The following PROKR2 variants were observed in gnomAD, a reference collection of about 807,000 sequenced individuals.
PROKR2 encodes G protein-coupled receptor 73-like 1.
In PROKR2, 26 loss-of-function variants were observed where a neutral mutation model predicts 23.4. The observed-to-expected ratio is 1.11, with a 90% CI of 0.81 to 1.54. PROKR2 has a LOEUF of 1.54. Among genes scored for constraint, PROKR2 ranks in the 40% most tolerant of loss-of-function variants. The pLI, the probability that PROKR2 is intolerant of heterozygous loss-of-function variation, is 0.00. For synonymous variants in PROKR2, 212 were observed against 201.2 expected (o/e 1.05, Z -0.45); for missense variants, 453 against 511.5 (o/e 0.89, Z 1.10).
At chr20:5,308,432 T>C (rs1440651408) in intron 2 of PROKR2, among the ~76,000 whole-genome samples, 1 of 152,238 alleles carries the variant, frequency 6.6e-6, no homozygotes, top group East Asian at 1.9e-4. Context: ...CTGCTGCAGA[T>C]AACTAGCCCA....
In PROKR2 at chr20:5,314,109, G is replaced by A. The variant is rs764463888; in HGVS notation, c.261C>T (p.Leu87=). The A allele has an allele frequency of 1.5e-5, 24 of 1,614,238 alleles. No homozygotes were observed. In the East Asian group the frequency reaches 5.3e-4, roughly 36 times the overall value. ...ALTRYKKLRN[L]TNLLIANLAI... ...CCAGGTTGGCAATGAGCAGATTGGT[G>A]AGGTTGCGCAACTTCTTATAGCGGG... The change falls in exon 2 of 3, where the codon CTC becomes CTT. Residue 87 remains leucine (L), a synonymous_variant. Coordinates refer to ENST00000678254, the MANE Select transcript of PROKR2 (RefSeq NM_144773.4).
chr20:5,314,042 C>A lies in PROKR2; in HGVS notation c.328G>T (p.Glu110Ter). 6.2e-7 allele frequency: 1 copy of A among 1,614,200 alleles called. No individual in the cohort carries two copies. The change falls in exon 2 of 3, where the codon GAG (glutamate) becomes TAG (stop). Residue 110 changes from glutamate to a stop codon, truncating the protein, a stop_gained. Coordinates refer to ENST00000678254, the MANE Select transcript of PROKR2 (RefSeq NM_144773.4). LOFTEE classifies it high-confidence loss of function. ...FLVAIICCPF[E>*]MDYYVVRQLS... ...TGCCGTACCACGTAGTAGTCCATCT[C>A]GAAGGGGCAGCAGATGATGGCCACC...
intron 2 of PROKR2, among the ~76,000 whole-genome samples, 185 bp downstream of exon 2, chr20:5,313,727 A>T (rs1364904787): frequency 6.6e-6 from 1 of 152,214 alleles, no homozygotes. Context: ...GAGATGGGCC[A>T]CTCAGCAGCC....
In PROKR2 at chr20:5,314,108, T is replaced by G; in HGVS notation, c.262A>C (p.Thr88Pro). ...LTRYKKLRNLTNLLIANLAIS... is the reference protein window; with the variant it reads ...LTRYKKLRNLPNLLIANLAIS... ...GCCAGGTTGGCAATGAGCAGATTGG[T>G]GAGGTTGCGCAACTTCTTATAGCGG... Residue 88 changes from threonine to proline, a missense_variant, in exon 2 of 3, where the codon ACC becomes CCC. Transcript: ENST00000678254. The G allele has an allele frequency of 1.9e-6, 3 of 1,614,136 alleles. No individual in the cohort carries two copies. The highest frequency in any genetic ancestry group is 1.3e-5 in the African/African-American group (1 of 75,018).
chr20:5,306,807 C>T (rs922924119), intron 2 of PROKR2, among the ~76,000 whole-genome samples: 4 of 152,156 alleles, frequency 2.6e-5, no homozygotes, highest in Non-Finnish European at 2.9e-5. Context: ...CCATACACAA[C>T]TGAATCTAGC....
rs1259779112 is a variant in PROKR2, at chr20:5,316,571, CG to C, written c.-87del. The C allele has an allele frequency of 3.0e-6, 1 of 335,210 alleles. No homozygotes were observed. The highest frequency in any genetic ancestry group is 2.2e-5 in the African/African-American group (1 of 46,236). 20.8% of individuals were successfully genotyped at this position (335,210 alleles called of 1,614,324 possible). Reference sequence around the variant, plus strand: ...GAGTCACAGTGTGGTTGGGCGCAGGCGGGCCGCTCGGTTTTCACCTCGAGGA... The same window carrying C: ...GAGTCACAGTGTGGTTGGGCGCAGGCGGCCGCTCGGTTTTCACCTCGAGGA... On this transcript the variant is annotated 5_prime_UTR_variant, in exon 1 of 3. Coordinates refer to ENST00000678254, the MANE Select transcript of PROKR2 (RefSeq NM_144773.4). This position sits in a 1 kb window ranked among gnomAD's most constrained non-coding sequence, Gnocchi z 5.0.
At chr20:5,310,546 C>T (rs534660726) in intron 2 of PROKR2, among the ~76,000 whole-genome samples, 12 of 139,850 alleles carry the variant, frequency 8.6e-5, no homozygotes, top group Middle Eastern at 3.6e-3. Context: ...TAGCATTTTG[C>T]TTTATTTTTT....
chr20:5,309,775 A>G (rs62203833), intron 2 of PROKR2, among the ~76,000 whole-genome samples: 77,327 of 151,788 alleles, frequency 0.51, 19,972 homozygotes, highest in African/African-American at 0.61. Context: ...CTCTCTCTCA[A>G]TCTGGTTCCA....
Position 5,302,394 on chromosome 20 carries a change from C to T in PROKR2, c.801G>A (p.Leu267=), listed in dbSNP as rs768563300. The change falls in exon 3 of 3, where the codon CTG becomes CTA. Residue 267 remains leucine, a synonymous_variant. Transcript: ENST00000678254. ...GFQTEQIRKR[L]RCRRKTVLVL... Reference sequence around the variant, plus strand: ...CCAGGACCGTCTTCCTGCGGCAGCGCAGCCGCTTGCGAATCTGCTCCGTCT... The same window carrying T: ...CCAGGACCGTCTTCCTGCGGCAGCGTAGCCGCTTGCGAATCTGCTCCGTCT... 6 of 1,614,120 alleles carry T rather than the reference C, an allele frequency of 3.7e-6. No individual in the cohort carries two copies. The highest frequency in any genetic ancestry group is 1.7e-5 in the Admixed American group (1 of 60,014).
At chr20:5,308,039 G>A (rs1979285772) in intron 2 of PROKR2, among the ~76,000 whole-genome samples, 1 of 110,734 alleles carries the variant, frequency 9.0e-6, no homozygotes, top group African/African-American at 3.9e-5. Context: ...GAAGCTCTGT[G>A]ATTTCAATGA....
At chr20:5,304,170 C>T (rs977447577) in intron 2 of PROKR2, among the ~76,000 whole-genome samples, 2 of 152,114 alleles carry the variant, frequency 1.3e-5, no homozygotes, top group Non-Finnish European at 2.9e-5. Flanking sequence ...GCACTTCAAG[C>T]GACTGCTCTT....
Position 5,313,961 on chromosome 20 carries a change from C to T in PROKR2, c.409G>A (p.Val137Ile), listed in dbSNP as rs139259742. ...LCASVNYLRT[V>I]SLYVSTNALL... ...GCATTGGTGGAGACGTAGAGGGAGA[C>T]GGTGCGCAGGTAGTTGACGGAGGCA... Residue 137 changes from valine to isoleucine, a missense_variant, in exon 2 of 3, where the codon GTC becomes ATC. By Grantham distance (29) the Val-to-Ile change is conservative. Coordinates refer to ENST00000678254, the MANE Select transcript of PROKR2 (RefSeq NM_144773.4). 29 of 1,614,036 alleles carry T rather than the reference C, an allele frequency of 1.8e-5. No individual in the cohort carries two copies. Among genetic ancestry groups the T allele is most frequent in the Middle Eastern group, 1.6e-4 (1 of 6,084 alleles).
chr20:5,314,358 C>G lies in PROKR2; in HGVS notation c.12G>C (p.Gln4His). The change falls in exon 2 of 3, where the codon CAG becomes CAC. Residue 4 changes from glutamine to histidine, a missense_variant. Coordinates refer to ENST00000678254, the MANE Select transcript of PROKR2 (RefSeq NM_144773.4). Reference protein sequence around the residue: MAAQNGNTSFTPNF... With the variant: MAAHNGNTSFTPNF... ...TGGGTGTGAAACTGGTGTTTCCATT[C>G]TGGGCTGCCATGGTGATGTCTGCAA... The G allele has an allele frequency of 6.2e-7, 1 of 1,613,978 alleles. No homozygotes were observed. Among genetic ancestry groups the G allele is most frequent in the South Asian group, 1.1e-5 (1 of 91,058 alleles).
At chr20:5,311,567 T>C (rs1022087287) in intron 2 of PROKR2, among the ~76,000 whole-genome samples, 1 of 152,210 alleles carries the variant, frequency 6.6e-6, no homozygotes, top group South Asian at 2.1e-4. Flanking sequence ...CGGTTAATAT[T>C]GATTGTCAAC....
In PROKR2 at chr20:5,302,696, A is replaced by C. The variant is rs549212197; in HGVS notation, c.499T>G (p.Tyr167Asp). The C allele has an allele frequency of 1.2e-6, 2 of 1,614,170 alleles. No individual in the cohort carries two copies. Among genetic ancestry groups the C allele is most frequent in the East Asian group, 4.5e-5 (2 of 44,880 alleles). ...IVHPLKPRMNYQTASFLIALV... is the reference protein window; with the variant it reads ...IVHPLKPRMNDQTASFLIALV... ...GCGATCAGGAAGGAGGCCGTTTGAT[A>C]ATTCATCCGTGGTTTCAAGGGGTGA... The change falls in exon 3 of 3, where the codon TAT becomes GAT. Residue 167 changes from tyrosine (Y) to aspartate (D), a missense_variant. By Grantham distance (160) the Tyr-to-Asp change is radical. Transcript: ENST00000678254.
chr20:5,306,778 A>G (rs1314777442), intron 2 of PROKR2, among the ~76,000 whole-genome samples: 2 of 152,210 alleles, frequency 1.3e-5, no homozygotes, highest in East Asian at 1.9e-4. Flanking sequence ...AGGGGGAGAA[A>G]TAGGGATTAC....
chr20:5,299,446 A>G lies in PROKR2; in HGVS notation c.*2594T>C, dbSNP rs1221478625. Among the ~76,000 whole-genome samples the G allele has an allele frequency of 6.6e-6, 1 of 151,978 alleles. No homozygotes were observed. Among genetic ancestry groups the G allele is most frequent in the East Asian group, 1.9e-4 (1 of 5,192 alleles). The stretch of plus-strand genomic sequence containing the variant: ...TCCTGATTCGGCTAAGAGCCAGGAT[A>G]GAATAATAAATAAAAATACAATTAT... On this transcript the variant is annotated 3_prime_UTR_variant, in exon 3 of 3. Transcript: ENST00000678254.
Position 5,316,501 on chromosome 20 carries a change from G to A in PROKR2, c.-16C>T, listed in dbSNP as rs750608436. 4 of 378,506 alleles carry A rather than the reference G, an allele frequency of 1.1e-5. No individual in the cohort carries two copies. The highest frequency in any genetic ancestry group is 4.2e-5 in the African/African-American group (2 of 47,642). 23.4% of individuals were successfully genotyped at this position (378,506 alleles called of 1,614,324 possible). A position where few individuals can be genotyped will look rare whatever the true frequency, so the allele number is the denominator to read the frequency against. On this transcript the variant is annotated 5_prime_UTR_variant, in exon 1 of 3. Coordinates refer to ENST00000678254, the MANE Select transcript of PROKR2 (RefSeq NM_144773.4). The surrounding 1 kb of genome is among the most constrained non-coding windows in gnomAD (Gnocchi z 5.0). ...AGGGATCTAAGCCCTTACCTGTCTC[G>A]GCGCCTCCTTTCTGTGCGCTCTGCT...
rs1338771486 is a variant in PROKR2 at position 5,299,227 on chromosome 20, CAT to C, written c.*2811_*2812del. On this transcript the variant is annotated 3_prime_UTR_variant, in exon 3 of 3. Coordinates refer to ENST00000678254, the MANE Select transcript of PROKR2 (RefSeq NM_144773.4). ...ACTTGAAACCTGTGACTAAATTCCA[CAT>C]GTTAATTATTTAATTGGATAACAAC... 1.3e-5 allele frequency among the ~76,000 whole-genome samples: 2 copies of C among 152,224 alleles called. No homozygotes were observed. The highest frequency in any genetic ancestry group is 2.9e-5 in the Non-Finnish European group (2 of 68,054).
Sources: gnomAD v4.1 joint callset for allele counts (sites outside exome capture counted in the v4.1 genomes callset) on GRCh38, gnomAD v4.1.1 for gene constraint, Gnocchi (gnomAD v3.1) non-coding constraint, MANE v1.5 for transcripts, NCBI Gene and HGNC (gene_info 2026-07-23, HGNC 2026-07-21) for gene names.